The following RAB18 variants were observed in gnomAD, a reference collection of about 807,000 sequenced individuals.
The protein encoded by RAB18 is ras-related protein Rab-18.
RAB18 carries 10 observed loss-of-function variants against 28.5 expected under a neutral mutation model. That is an observed-to-expected ratio of 0.35 (90% CI 0.22 to 0.60). The LOEUF (loss-of-function observed/expected upper bound fraction) is 0.60. RAB18 is among the 20% of genes least tolerant of loss of function. The pLI, the probability that RAB18 is intolerant of heterozygous loss-of-function variation, is 0.78. For synonymous variants in RAB18, 93 were observed against 86.9 expected, an observed-to-expected ratio of 1.07 and a Z score of -0.39; for missense variants, 188 against 244.2, an observed-to-expected ratio of 0.77 and a Z score of 1.53.
chr10:27,536,504 C>T (rs1464920151), intron 6 of RAB18, among the ~76,000 whole-genome samples: 1 of 152,178 alleles, frequency 6.6e-6, no homozygotes, highest in African/African-American at 2.4e-5. Flanking sequence ...TCCCACTGCA[C>T]TCCAGCCTAG....
intron 3 of RAB18, chr10:27,528,467 A>G (rs747724633): frequency 2.7e-5 from 10 of 374,698 alleles, no homozygotes; most frequent in Non-Finnish European, 4.2e-5. Context: ...ATATGTATAC[A>G]TACCACTATA....
At chr10:27,537,650 G>C (rs1175665007) in intron 6 of RAB18, among the ~76,000 whole-genome samples, 2 of 152,030 alleles carry the variant, frequency 1.3e-5, no homozygotes, top group Non-Finnish European at 1.5e-5. Context: ...ATAAACCAGT[G>C]TTTTTTTGGT....
At chr10:27,516,310 C>T (rs1834436398) in intron 2 of RAB18, among the ~76,000 whole-genome samples, 1 of 152,108 alleles carries the variant, frequency 6.6e-6, no homozygotes, top group South Asian at 2.1e-4. Flanking sequence ...AGTCTCAGCA[C>T]TTTGGGAGGC....
intron 2 of RAB18, among the ~76,000 whole-genome samples, chr10:27,523,532 T>G (rs921471003): frequency 1.3e-4 from 19 of 152,000 alleles, no homozygotes. Flanking sequence ...TCACATTCAC[T>G]GATGTTTTCT....
intron 6 of RAB18, among the ~76,000 whole-genome samples, chr10:27,537,276 C>T (rs373896285): frequency 5.9e-5 from 9 of 152,144 alleles, no homozygotes; most frequent in East Asian, 3.9e-4. Flanking sequence ...TTATTAGCTG[C>T]GATAGAGTTT....
chr10:27,524,613 A>G (rs1430877395), intron 2 of RAB18, among the ~76,000 whole-genome samples: 1 of 152,250 alleles, frequency 6.6e-6, no homozygotes, highest in African/African-American at 2.4e-5. Context: ...CAAATGAACA[A>G]GGAAAAGCTG....
intron 6 of RAB18, among the ~76,000 whole-genome samples, chr10:27,536,071 G>T (rs1589591623): frequency 8.6e-6 from 1 of 115,742 alleles, no homozygotes. Context: ...GACAGAGCGA[G>T]ACTCTGTCTC....
intron 3 of RAB18, among the ~76,000 whole-genome samples, chr10:27,528,901 G>T (rs547432966): frequency 3.3e-5 from 5 of 152,006 alleles, no homozygotes; most frequent in African/African-American, 1.2e-4. Flanking sequence ...TTGCCTCTGA[G>T]TGTTGCTGTT....
rs1326240324 is a variant in RAB18, at chr10:27,539,598, A to G, written c.*1547A>G. On this transcript the variant is annotated 3_prime_UTR_variant, in exon 7 of 7. Transcript: ENST00000356940. Reference sequence around the variant, plus strand: ...TAACACATGTACTTGTGATTTGTTCATGTTATATTAAAACTTGAGATTTGT... The same window carrying G: ...TAACACATGTACTTGTGATTTGTTCGTGTTATATTAAAACTTGAGATTTGT... 2 of 443,924 alleles carry G rather than the reference A, an allele frequency of 4.5e-6. No individual in the cohort carries two copies. The highest frequency in any genetic ancestry group is 1.6e-5 in the South Asian group (1 of 61,320). The allele number at this position is 443,924 out of a possible 1,614,324, so 27.5% of individuals were successfully genotyped here. A position where few individuals can be genotyped will look rare whatever the true frequency, so the allele number is the denominator to read the frequency against.
At position 27,541,714 on chromosome 10, in the gene RAB18, A is replaced by T. The variant is rs774038588; in HGVS notation, c.*3663A>T. ...TTTTGTGTTTCTTTGATTACTAGTG[A>T]GCTTGAGTACTTTTAATATTTTATT... On this transcript the variant is annotated 3_prime_UTR_variant, in exon 7 of 7. Coordinates refer to ENST00000356940, the MANE Select transcript of RAB18 (RefSeq NM_021252.5). 2.0e-5 allele frequency: 9 copies of T among 446,762 alleles called. No individual in the cohort carries two copies. Among genetic ancestry groups the T allele is most frequent in the South Asian group, 7.9e-5 (5 of 63,456 alleles). 27.7% of individuals were successfully genotyped at this position (446,762 alleles called of 1,614,324 possible). A position where few individuals can be genotyped will look rare whatever the true frequency, so the allele number is the denominator to read the frequency against.
At chr10:27,525,175 G>A (rs1834647117) in intron 2 of RAB18, among the ~76,000 whole-genome samples, 2 of 152,190 alleles carry the variant, frequency 1.3e-5, no homozygotes, top group South Asian at 4.1e-4. Flanking sequence ...TCTGGAAGCG[G>A]TGGGTTTCTT....
At chr10:27,536,791 AG>A (rs1834909049) in intron 6 of RAB18, among the ~76,000 whole-genome samples, 1 of 152,334 alleles carries the variant, frequency 6.6e-6, no homozygotes. Context: ...GACAAGATAA[AG>A]GGTGTTGGTG....
Position 27,538,375 on chromosome 10 carries a change from G to C in RAB18, c.*324G>C. ...ATATGTTGATACAAAGTCTGCTTTTGCTATTCTTTTTGCTTAAATACTCCT... is the reference window on the plus strand; with the variant it reads ...ATATGTTGATACAAAGTCTGCTTTTCCTATTCTTTTTGCTTAAATACTCCT... On this transcript the variant is annotated 3_prime_UTR_variant, in exon 7 of 7. Transcript: ENST00000356940. 2.1e-6 allele frequency: 1 copy of C among 480,598 alleles called. No homozygotes were observed. Among genetic ancestry groups the C allele is most frequent in the Non-Finnish European group, 4.1e-6 (1 of 244,616 alleles). 29.8% of individuals were successfully genotyped at this position (480,598 alleles called of 1,614,324 possible). A position where few individuals can be genotyped will look rare whatever the true frequency, so the allele number is the denominator to read the frequency against.
At position 27,526,420 on chromosome 10, in the gene RAB18, G is replaced by C. The variant is rs752035058; in HGVS notation, c.125-408G>C. On this transcript the variant is annotated intron_variant, in intron 2 of 6. Coordinates refer to ENST00000356940, the MANE Select transcript of RAB18 (RefSeq NM_021252.5). The stretch of plus-strand genomic sequence containing the variant: ...GTTAGTGGTTGGCTGGCAGTGGACA[G>C]CACTCTTAACAGTAGCATGTGGATG... 2.0e-5 allele frequency among the ~76,000 whole-genome samples: 3 copies of C among 152,140 alleles called. No homozygotes were observed. The South Asian group carries it at 6.2e-4, about 32-fold the overall frequency.
rs1054824025 is a variant in RAB18 at position 27,532,437 on chromosome 10, C to T, written c.187-70C>T. ...ATTTTTAGTAATGCTGTTTGACTTT[C>T]TACTCTTAAACTAGTATATTGAAGG... is the stretch of plus-strand genomic sequence containing the variant. On this transcript the variant is annotated intron_variant, in intron 3 of 6. Transcript: ENST00000356940. The T allele has an allele frequency of 2.6e-6, 3 of 1,169,418 alleles. No individual in the cohort carries two copies. The African/African-American group carries it at 4.6e-5, about 18-fold the overall frequency. 72.4% of individuals were successfully genotyped at this position (1,169,418 alleles called of 1,614,324 possible).
chr10:27,532,962 C>T (rs1046025594), intron 4 of RAB18, among the ~76,000 whole-genome samples: 1 of 151,952 alleles, frequency 6.6e-6, no homozygotes, highest in African/African-American at 2.4e-5. Flanking sequence ...CTTTATTAGT[C>T]CTAAAAATAT....
At chr10:27,526,972 G>A in intron 3 of RAB18, 83 bp downstream of exon 3, 5 of 1,363,300 alleles carry the variant, frequency 3.7e-6, no homozygotes, top group Non-Finnish European at 5.2e-6. Flanking sequence ...GTGTTCTAGA[G>A]GTGGTGAATG....
chr10:27,511,891 G>A (rs185737370), intron 2 of RAB18, among the ~76,000 whole-genome samples: 1 of 152,272 alleles, frequency 6.6e-6, no homozygotes, highest in East Asian at 1.9e-4. Context: ...ATCAAATGGG[G>A]ATTTTTTTAA....
In RAB18 at chr10:27,542,041, G is replaced by T. The variant is rs1329118630; in HGVS notation, c.*3990G>T. 8.8e-6 allele frequency: 4 copies of T among 453,998 alleles called. No individual in the cohort carries two copies. Among genetic ancestry groups the T allele is most frequent in the African/African-American group, 8.0e-5 (4 of 50,000 alleles). 28.1% of individuals were successfully genotyped at this position (453,998 alleles called of 1,614,324 possible). ...AATTGAAGACATCTTGTTGGAGATA[G>T]TGTGCTGGGAGGAGTCACATTCTGA... On this transcript the variant is annotated 3_prime_UTR_variant, in exon 7 of 7. Coordinates refer to ENST00000356940, the MANE Select transcript of RAB18 (RefSeq NM_021252.5).
Sources: allele counts gnomAD v4.1 joint callset (sites outside exome capture counted in the v4.1 genomes callset), GRCh38; gene constraint gnomAD v4.1.1; transcripts MANE v1.5; gene names NCBI Gene and HGNC (gene_info 2026-07-23, HGNC 2026-07-21).